The following NFYC variants were observed in gnomAD, a reference collection of about 807,000 sequenced individuals.
NFYC encodes CAAT box DNA-binding protein subunit C.
NFYC carries 25 observed loss-of-function variants against 53.1 expected under a neutral mutation model. The ratio of observed to expected loss-of-function variants is 0.47; its 90% CI spans 0.34 to 0.66. The LOEUF (loss-of-function observed/expected upper bound fraction) is 0.66, where lower values mean the gene tolerates loss of function less well. NFYC is among the 30% of genes least tolerant of loss of function. The pLI, the probability that NFYC is intolerant of heterozygous loss-of-function variation, is 0.01. For missense variants in NFYC, 260 were observed against 422.7 expected (o/e 0.62, Z 3.38); for synonymous variants, 145 against 152.6 (o/e 0.95, Z 0.37).
intron 1 of NFYC, among the ~76,000 whole-genome samples, chr1:40,697,666 C>T (rs776129722): frequency 2.6e-5 from 4 of 152,190 alleles, no homozygotes; most frequent in Non-Finnish European, 5.9e-5. Context: ...TACAAATTAT[C>T]AGTTGAAGTA....
At chr1:40,747,884 G>A (rs887679044) in intron 3 of NFYC, among the ~76,000 whole-genome samples, 5 of 148,690 alleles carry the variant, frequency 3.4e-5, no homozygotes, top group Admixed American at 6.8e-5. Context: ...TATCCAGGCC[G>A]CAGTGCAGTG....
At chr1:40,742,082 A>T (rs1315424522) in intron 2 of NFYC, among the ~76,000 whole-genome samples, 1 of 151,912 alleles carries the variant, frequency 6.6e-6, no homozygotes, top group Non-Finnish European at 1.5e-5. Flanking sequence ...TAAAAAAAAA[A>T]AATCTTATGT....
intron 1 of NFYC, among the ~76,000 whole-genome samples, chr1:40,722,846 T>C (rs1644376372): frequency 6.6e-6 from 1 of 152,216 alleles, no homozygotes; most frequent in African/African-American, 2.4e-5. Flanking sequence ...AGCTGAGTAT[T>C]CATAGGTGCT....
At chr1:40,719,862 A>C (rs2744799) in intron 1 of NFYC, among the ~76,000 whole-genome samples, 120,223 of 152,208 alleles carry the variant, frequency 0.79, 48,183 homozygotes, top group African/African-American at 0.91. Flanking sequence ...GTCCTGGTGA[A>C]TTCTGCCAAG....
chr1:40,698,762 C>T (rs1484673293), intron 1 of NFYC, among the ~76,000 whole-genome samples: 2 of 152,112 alleles, frequency 1.3e-5, no homozygotes, highest in East Asian at 3.9e-4. Context: ...GTGTTAAAGT[C>T]AATTGTATAT....
intron 2 of NFYC, 151 bp from the exon 3 acceptor site, chr1:40,747,383 C>G: frequency 3.6e-6 from 2 of 557,256 alleles, no homozygotes; most frequent in South Asian, 2.7e-5. Context: ...TGCTCTGGAG[C>G]TTGTATTTTC....
chr1:40,762,834 C>G, intron 6 of NFYC, 54 bp from the exon 7 acceptor site: 1 of 1,453,888 alleles, frequency 6.9e-7, no homozygotes, highest in Non-Finnish European at 9.2e-7. Flanking sequence ...TCTCGGTAAT[C>G]CTGTGGGCTC....
rs146435331 is a variant in NFYC, at chr1:40,746,935, A to G, written c.106-599A>G. On this transcript the variant is annotated intron_variant, in intron 2 of 9. Transcript: ENST00000447388. The stretch of plus-strand genomic sequence containing the variant: ...CCTTTTTCTATACTCCTCTACCCCC[A>G]CTTGAAACAAATTTTGGAGACAAGG... Among the ~76,000 whole-genome samples the G allele has an allele frequency of 2.7e-3, 413 of 152,156 alleles. 1 individual carries two copies. The highest frequency in any genetic ancestry group is 9.5e-3 in the African/African-American group (394 of 41,506).
intron 8 of NFYC, among the ~76,000 whole-genome samples, chr1:40,768,288 G>A (rs1646917704): frequency 6.6e-6 from 1 of 152,226 alleles, no homozygotes; most frequent in Admixed American, 6.5e-5. Context: ...AGGCTCACTT[G>A]TTTATTCTGC....
chr1:40,736,739 C>T (rs753696524), intron 1 of NFYC, among the ~76,000 whole-genome samples: 16 of 148,460 alleles, frequency 1.1e-4, no homozygotes, highest in Non-Finnish European at 2.2e-4. Flanking sequence ...CCTGACATGA[C>T]GCTCAAAGGA....
chr1:40,723,554 A>G (rs1315774924), intron 1 of NFYC: 1 of 152,280 alleles, frequency 6.6e-6, no homozygotes, highest in African/African-American at 2.4e-5. Context: ...GTGATCTAGG[A>G]CCAGCTTCTC....
chr1:40,757,422 T>C (rs1646286753), intron 5 of NFYC: 1 of 515,776 alleles, frequency 1.9e-6, no homozygotes, highest in Non-Finnish European at 4.0e-6. Flanking sequence ...TCGGACAGAA[T>C]GCGACCTCCC....
intron 1 of NFYC, among the ~76,000 whole-genome samples, chr1:40,724,451 T>C (rs567258854): frequency 1.3e-3 from 192 of 152,342 alleles, no homozygotes; most frequent in African/African-American, 4.5e-3. Flanking sequence ...AGGCCAGATG[T>C]GGCCTATGAG....
At chr1:40,754,809 C>A (rs1024635715) in intron 5 of NFYC, among the ~76,000 whole-genome samples, 1 of 152,064 alleles carries the variant, frequency 6.6e-6, no homozygotes, top group South Asian at 2.1e-4. Context: ...CTGGGTCTCT[C>A]GGGGTGTCAT....
chr1:40,767,115 T>C (rs1168660202), intron 8 of NFYC: 1 of 757,630 alleles, frequency 1.3e-6, no homozygotes. Flanking sequence ...TACCCCTACC[T>C]CCTCTTGCAT....
intron 3 of NFYC, among the ~76,000 whole-genome samples, chr1:40,748,483 A>G (rs1330186693): frequency 6.6e-6 from 1 of 152,304 alleles, no homozygotes; most frequent in East Asian, 1.9e-4. Context: ...ATGTATCATC[A>G]AATCAACAGG....
intron 1 of NFYC, among the ~76,000 whole-genome samples, chr1:40,722,483 A>G (rs138486795): frequency 9.1e-4 from 138 of 152,380 alleles, no homozygotes; most frequent in African/African-American, 2.9e-3. Flanking sequence ...AAAGCAAAGT[A>G]AGTCTAAATT....
chr1:40,767,748 G>A (rs1485167723), intron 8 of NFYC, among the ~76,000 whole-genome samples: 4 of 152,196 alleles, frequency 2.6e-5, no homozygotes, highest in East Asian at 1.9e-4. Flanking sequence ...GGGAGGCTGA[G>A]GCAGGTGATC....
chr1:40,710,339 C>A (rs997180414), intron 1 of NFYC, among the ~76,000 whole-genome samples: 10 of 152,090 alleles, frequency 6.6e-5, no homozygotes, highest in Non-Finnish European at 1.3e-4. Context: ...TTCCATTTTT[C>A]CGTATTAAAT....
Sources: allele counts gnomAD v4.1 joint callset (sites outside exome capture counted in the v4.1 genomes callset), GRCh38; gene constraint gnomAD v4.1.1; transcripts MANE v1.5; gene names NCBI Gene and HGNC (gene_info 2026-07-23, HGNC 2026-07-21).